The following KIF6 variants were observed in gnomAD, a reference collection of about 807,000 sequenced individuals.
KIF6 encodes kinesin family member 6, also known as kinesin-like protein KIF6.
KIF6 carries 106 observed loss-of-function variants against 112.7 expected under a neutral mutation model. That is an observed-to-expected ratio of 0.94 (90% confidence interval 0.80 to 1.11). The LOEUF (loss-of-function observed/expected upper bound fraction) is 1.11. Among genes scored for constraint, KIF6 ranks in the 50% least tolerant of loss-of-function variants. KIF6 has a pLI of 0.00. For synonymous variants in KIF6, 339 were observed against 339.9 expected (o/e 1.00, Z 0.03); for missense variants, 929 against 964.0 (o/e 0.96, Z 0.48).
At chr6:39,341,671 G>A (rs1214588711) in intron 22 of KIF6, among the ~76,000 whole-genome samples, 1 of 152,198 alleles carries the variant, frequency 6.6e-6, no homozygotes, top group Non-Finnish European at 1.5e-5. Flanking sequence ...AAAAAGGGCA[G>A]CCAGAACTCT....
chr6:39,689,932 TA>T (rs1219579915), intron 3 of KIF6: 1 of 152,188 alleles, frequency 6.6e-6, no homozygotes, highest in African/African-American at 2.4e-5. Context: ...AACAATAATG[TA>T]CATTTCAGTA....
intron 13 of KIF6, among the ~76,000 whole-genome samples, chr6:39,489,480 A>G (rs1775332032): frequency 6.6e-6 from 1 of 152,128 alleles, no homozygotes; most frequent in African/African-American, 2.4e-5. Flanking sequence ...GGGAGGGATA[A>G]AGATGCAAAT....
chr6:39,644,858 A>G (rs916902952), intron 3 of KIF6, among the ~76,000 whole-genome samples: 1 of 152,234 alleles, frequency 6.6e-6, no homozygotes, highest in Non-Finnish European at 1.5e-5. Context: ...AAAATAGTAA[A>G]GAAGAGTCTA....
At chr6:39,429,748 A>C (rs951486896) in intron 14 of KIF6, among the ~76,000 whole-genome samples, 2 of 152,132 alleles carry the variant, frequency 1.3e-5, no homozygotes, top group African/African-American at 4.8e-5. Flanking sequence ...CTCTACTAAA[A>C]ATACAAAAAA....
intron 20 of KIF6, among the ~76,000 whole-genome samples, 192 bp from the exon 21 acceptor site, chr6:39,345,981 T>C (rs1028134262): frequency 1.3e-5 from 2 of 148,478 alleles, no homozygotes; most frequent in Admixed American, 6.7e-5. Context: ...GATGAGGTCC[T>C]GAGGGTAGGG....
intron 16 of KIF6, among the ~76,000 whole-genome samples, chr6:39,364,180 C>G (rs144339427): frequency 6.5e-4 from 99 of 152,130 alleles, no homozygotes; most frequent in East Asian, 4.2e-3. Context: ...CAACCTCTGC[C>G]TCCCAGGTTC....
At chr6:39,507,682 TCCTTCCTA>T (rs1373641628) in intron 13 of KIF6, among the ~76,000 whole-genome samples, 3 of 137,374 alleles carry the variant, frequency 2.2e-5, no homozygotes, top group Non-Finnish European at 4.7e-5. Context: ...CTTCCTTCCT[TCCTTCCTA>T]CCTTCCTTCC....
Position 39,545,618 on chromosome 6 carries a change from T to C in KIF6, c.1252A>G (p.Met418Val). ...SDSRLEVGADMRKVHHCFHHL... is the reference protein window; with the variant it reads ...SDSRLEVGADVRKVHHCFHHL... ...TGAAAACAGTGATGAACTTTACGCA[T>C]ATCCGCGCCAACCTCTAATCTACTG... The change falls in exon 11 of 23, where the codon ATG becomes GTG. Residue 418 changes from methionine (M) to valine (V), a missense_variant. Coordinates refer to ENST00000287152, the MANE Select transcript of KIF6 (RefSeq NM_145027.6). The C allele has an allele frequency of 6.2e-7, 1 of 1,613,620 alleles. No homozygotes were observed. Among genetic ancestry groups the C allele is most frequent in the Non-Finnish European group, 8.5e-7 (1 of 1,179,552 alleles).
intron 13 of KIF6, among the ~76,000 whole-genome samples, chr6:39,445,141 C>T (rs1297261515): frequency 2.0e-5 from 3 of 152,218 alleles, no homozygotes; most frequent in African/African-American, 7.2e-5. Context: ...AGCGATTGTA[C>T]TCTGAACAGT....
intron 5 of KIF6, chr6:39,617,755 C>A (rs139088329): frequency 1.3e-5 from 6 of 455,500 alleles, no homozygotes; most frequent in Non-Finnish European, 2.7e-5. Context: ...AGAGGCCATT[C>A]CGTCTAGACA....
intron 4 of KIF6, among the ~76,000 whole-genome samples, chr6:39,638,238 G>A (rs1870474): frequency 0.043 from 6,565 of 152,084 alleles, 449 homozygotes; most frequent in African/African-American, 0.15. Flanking sequence ...TTTAAATACA[G>A]TATGTTCAGC....
chr6:39,584,974 G>T lies in KIF6; in HGVS notation c.1001C>A (p.Ser334Ter). ...LEKRNLDESI[S>*]TCRFAQRVAL... ...CACTCGCTGTGCAAATCTGCAGGTT[G>T]ATATAGACTCCTAAGAAAGCAAAGT... The change falls in exon 9 of 23, where the codon TCA becomes TAA. Residue 334 changes from serine (S) to a stop codon, truncating the protein, a stop_gained. Coordinates refer to ENST00000287152, the MANE Select transcript of KIF6 (RefSeq NM_145027.6). LOFTEE classifies it high-confidence loss of function. 1.3e-6 allele frequency: 2 copies of T among 1,599,784 alleles called. No individual in the cohort carries two copies. The highest frequency in any genetic ancestry group is 1.7e-6 in the Non-Finnish European group (2 of 1,167,634).
chr6:39,586,301 G>T lies in KIF6; in HGVS notation c.950C>A (p.Thr317Asn). Residue 317 changes from threonine to asparagine, a missense_variant, in exon 8 of 23, where the codon ACT (threonine) becomes AAT (asparagine). Physicochemically the swap from Thr to Asn is moderately conservative, Grantham distance 65. This residue lies in a region of KIF6 where 688 missense variants were observed against 662.7 expected (regional missense o/e 1.04). Coordinates refer to ENST00000287152, the MANE Select transcript of KIF6 (RefSeq NM_145027.6). ...RDSLGGNCMTTMIATLSLEKR... is the reference protein window; with the variant it reads ...RDSLGGNCMTNMIATLSLEKR... ...CTCCAAGGAGAGTGTTGCAATCATAGTTGTCATGCAGTTCCCTCCCAAACT... is the reference window on the plus strand; with the variant it reads ...CTCCAAGGAGAGTGTTGCAATCATATTTGTCATGCAGTTCCCTCCCAAACT... 6.2e-7 allele frequency: 1 copy of T among 1,613,982 alleles called. No individual in the cohort carries two copies. Among genetic ancestry groups the T allele is most frequent in the Middle Eastern group, 1.6e-4 (1 of 6,062 alleles).
chr6:39,563,204 C>A (rs1023454644), intron 10 of KIF6, among the ~76,000 whole-genome samples: 4 of 152,070 alleles, frequency 2.6e-5, no homozygotes, highest in Non-Finnish European at 5.9e-5. Context: ...CCACTGCACT[C>A]CAGCCTGGGT....
intron 5 of KIF6, among the ~76,000 whole-genome samples, chr6:39,619,207 G>A (rs1783687058): frequency 6.6e-6 from 1 of 152,096 alleles, no homozygotes; most frequent in African/African-American, 2.4e-5. Flanking sequence ...AGTAATTCTT[G>A]TGATAAATTT....
In KIF6 at chr6:39,584,417, T is replaced by TACAAAAAAAAAAAAAAAAAAAA. The variant is rs1481333003; in HGVS notation, c.1077+480_1077+481insTTTTTTTTTTTTTTTTTTTTGT. Reference sequence around the variant, plus strand: ...TCCAGCCTGAGCAAGACTCTGTCTCTAAAAAAAAAAAAAAAAAAAAAAAAA... The same window carrying TACAAAAAAAAAAAAAAAAAAAA: ...TCCAGCCTGAGCAAGACTCTGTCTCTACAAAAAAAAAAAAAAAAAAAAAAAAAAAAAAAAAAAAAAAAAAAAA... On this transcript the variant is annotated intron_variant, in intron 9 of 22. Coordinates refer to ENST00000287152, the MANE Select transcript of KIF6 (RefSeq NM_145027.6). 7.4e-4 allele frequency among the ~76,000 whole-genome samples: 34 copies of TACAAAAAAAAAAAAAAAAAAAA among 46,064 alleles called. 10 individuals are homozygous for TACAAAAAAAAAAAAAAAAAAAA. Among genetic ancestry groups the TACAAAAAAAAAAAAAAAAAAAA allele is most frequent in the Non-Finnish European group, 1.2e-3 (19 of 16,118 alleles). The allele number at this position is 46,064 out of a possible 152,430, so 30.2% of individuals were successfully genotyped here.
intron 3 of KIF6, among the ~76,000 whole-genome samples, chr6:39,645,818 T>C (rs2150779538): frequency 6.6e-6 from 1 of 152,228 alleles, no homozygotes; most frequent in East Asian, 1.9e-4. Flanking sequence ...ATGTCCTTTG[T>C]AGGGACACGG....
At chr6:39,359,525 T>C (rs972649909) in intron 18 of KIF6, among the ~76,000 whole-genome samples, 3 of 152,166 alleles carry the variant, frequency 2.0e-5, no homozygotes, top group African/African-American at 7.2e-5. Context: ...AAAGTAGCCA[T>C]GCTATACAAT....
intron 5 of KIF6, among the ~76,000 whole-genome samples, chr6:39,628,499 T>C (rs911878683): frequency 1.3e-5 from 2 of 152,132 alleles, no homozygotes; most frequent in African/African-American, 4.8e-5. Flanking sequence ...TCCTTTGTGT[T>C]GACCTTGTCC....
Sources: allele counts gnomAD v4.1 joint callset (sites outside exome capture counted in the v4.1 genomes callset), GRCh38; gene constraint gnomAD v4.1.1; regional missense constraint gnomAD v4.1.1; transcripts MANE v1.5; gene names NCBI Gene and HGNC (gene_info 2026-07-23, HGNC 2026-07-21).